FBLN7: variants seen among roughly 807,000 people sequenced by gnomAD.
FBLN7 encodes the protein fibulin-7.
In FBLN7, 31 loss-of-function variants were observed where a neutral mutation model predicts 44.0. The ratio of observed to expected loss-of-function variants is 0.70; its 90% confidence interval spans 0.53 to 0.95. FBLN7 has a LOEUF of 0.95. FBLN7 is among the 40% of genes least tolerant of loss of function. FBLN7 has a pLI of 0.00. For synonymous variants in FBLN7, 262 were observed against 253.4 expected (o/e 1.03, Z -0.32); for missense variants, 573 against 618.5 (o/e 0.93, Z 0.78).
chr2:112,172,190 TA>T (rs1170454732), intron 3 of FBLN7, among the ~76,000 whole-genome samples: 1 of 152,192 alleles, frequency 6.6e-6, no homozygotes, highest in Non-Finnish European at 1.5e-5. Context: ...CTAATTAGAG[TA>T]AAAATTCCCC....
the FBLN7 span, among the ~76,000 whole-genome samples, chr2:112,205,187 CTATAG>C: frequency 6.6e-6 from 1 of 151,666 alleles, no homozygotes; most frequent in Non-Finnish European, 1.5e-5. Flanking sequence ...ACTCAAATGG[CTATAG>C]TAAAATAAAT....
chr2:112,159,590 G>A (rs1335867806), intron 1 of FBLN7, 86 bp from the exon 2 acceptor site: 1 of 1,412,312 alleles, frequency 7.1e-7, no homozygotes, highest in African/African-American at 1.5e-5. Context: ...TGGACCCCGT[G>A]GCTTCGGCGA....
Position 112,187,760 on chromosome 2 carries a change from TA to T in FBLN7, c.*258del. 1.9e-6 allele frequency: 1 copy of T among 519,366 alleles called. No individual in the cohort carries two copies. Among genetic ancestry groups the T allele is most frequent in the South Asian group, 3.5e-5 (1 of 28,472 alleles). The allele number at this position is 519,366 out of a possible 1,614,324, so 32.2% of individuals were successfully genotyped here. ...CCCTTAGATTATGCACTAACTTTCT[TA>T]AAACTTTTTCATCCAGGGGATGGGT... is the stretch of plus-strand genomic sequence containing the variant. On this transcript the variant is annotated 3_prime_UTR_variant, in exon 8 of 8. Coordinates refer to ENST00000331203, the MANE Select transcript of FBLN7 (RefSeq NM_153214.3). This position sits in a 1 kb window ranked among gnomAD's most constrained non-coding sequence, Gnocchi z 5.1.
the FBLN7 span, among the ~76,000 whole-genome samples, chr2:112,205,613 A>G: frequency 4.6e-5 from 7 of 152,268 alleles, no homozygotes; most frequent in East Asian, 1.2e-3. Context: ...AAATACACCA[A>G]TTAAATCAGT....
At chr2:112,169,272 C>T (rs1012272627) in intron 3 of FBLN7, among the ~76,000 whole-genome samples, 1 of 152,012 alleles carries the variant, frequency 6.6e-6, no homozygotes, top group African/African-American at 2.4e-5. Flanking sequence ...GACTCCGTCT[C>T]GGGAGAAAAA....
rs543211367 is a variant in FBLN7, at chr2:112,140,863, A to G, written c.75+2133A>G. Among the ~76,000 whole-genome samples the G allele has an allele frequency of 1.2e-4, 19 of 152,244 alleles. 1 individual carries two copies. The South Asian group carries it at 3.5e-3, about 28-fold the overall frequency. On this transcript the variant is annotated intron_variant, in intron 1 of 7. Coordinates refer to ENST00000331203, the MANE Select transcript of FBLN7 (RefSeq NM_153214.3). ...TGTGCGACTACATTTTCTTAAACAC[A>G]TATACAGGCGGCTTGCTGTTTAATT...
At chr2:112,154,345 C>T (rs1427369317) in intron 1 of FBLN7, among the ~76,000 whole-genome samples, 2 of 152,158 alleles carry the variant, frequency 1.3e-5, no homozygotes, top group Non-Finnish European at 2.9e-5. Flanking sequence ...AGATTTAAAA[C>T]GGGGCGCCTC....
the FBLN7 span, among the ~76,000 whole-genome samples, chr2:112,210,655 C>CAAAAAAAAAAAAAAAAAAAAAAAAA: frequency 2.9e-5 from 2 of 69,730 alleles, no homozygotes. Context: ...GACTCTGTCT[C>CAAAAAAAAAAAAAAAAAAAAAAAAA]AAAAAAAAAA....
intron 3 of FBLN7, among the ~76,000 whole-genome samples, chr2:112,167,875 G>GTTATATTAT (rs1553476221): frequency 6.7e-6 from 1 of 148,612 alleles, no homozygotes; most frequent in African/African-American, 2.5e-5. Context: ...GACACGTTAT[G>GTTATATTAT]TTATGTTATG....
At chr2:112,147,498 C>T (rs996498729) in intron 1 of FBLN7, among the ~76,000 whole-genome samples, 10 of 152,112 alleles carry the variant, frequency 6.6e-5, no homozygotes, top group African/African-American at 2.4e-4. Flanking sequence ...CTCAGTCTGC[C>T]GTCTACACAA....
At chr2:112,164,934 A>G in intron 2 of FBLN7, 67 bp from the exon 3 acceptor site, 5 of 1,551,066 alleles carry the variant, frequency 3.2e-6, no homozygotes, top group Non-Finnish European at 4.4e-6. Context: ...AAGTCCTGTA[A>G]TTCAGTAATG....
chr2:112,215,382 G>A, the FBLN7 span: 5 of 152,194 alleles, frequency 3.3e-5, no homozygotes, highest in African/African-American at 4.8e-5. Context: ...GCTTCTAAGG[G>A]CCTAGGATTT....
Position 112,153,900 on chromosome 2 carries a change from G to A in FBLN7, c.76-5776G>A, listed in dbSNP as rs556215614. ...TTCCCGGAGAAGGGCAGGGGTGGATGGAGCGTTCCATGGGCCTTCTTGCTT... is the reference window on the plus strand; with the variant it reads ...TTCCCGGAGAAGGGCAGGGGTGGATAGAGCGTTCCATGGGCCTTCTTGCTT... On this transcript the variant is annotated intron_variant, in intron 1 of 7. Transcript: ENST00000331203. Among the ~76,000 whole-genome samples the A allele has an allele frequency of 3.2e-4, 49 of 152,310 alleles. No homozygotes were observed. The South Asian group carries it at 9.7e-3, about 30-fold the overall frequency.
chr2:112,244,513 T>C, the FBLN7 span, among the ~76,000 whole-genome samples: 1 of 152,210 alleles, frequency 6.6e-6, no homozygotes, highest in African/African-American at 2.4e-5. Context: ...AAGAAAGTTA[T>C]AGGCATACCT....
chr2:112,196,030 C>T, the FBLN7 span, among the ~76,000 whole-genome samples: 3 of 152,072 alleles, frequency 2.0e-5, no homozygotes, highest in African/African-American at 7.2e-5. Flanking sequence ...GATGCTGGGA[C>T]CCCCAGAGTT....
At chr2:112,200,589 C>G in the FBLN7 span, among the ~76,000 whole-genome samples, 130 of 152,304 alleles carry the variant, frequency 8.5e-4, no homozygotes, top group African/African-American at 2.9e-3. Flanking sequence ...GTCTGGAGTG[C>G]AGTCGCACAA....
chr2:112,191,642 C>A (rs188207595), downstream of FBLN7, among the ~76,000 whole-genome samples: 2 of 152,226 alleles, frequency 1.3e-5, no homozygotes, highest in East Asian at 1.9e-4. Context: ...CAGCTAAAAT[C>A]ATTTTTTTTC....
At chr2:112,168,320 C>A (rs1682275638) in intron 3 of FBLN7, among the ~76,000 whole-genome samples, 1 of 152,210 alleles carries the variant, frequency 6.6e-6, no homozygotes, top group Non-Finnish European at 1.5e-5. Flanking sequence ...AGGACTAACT[C>A]AGGGAACAAG....
the FBLN7 span, among the ~76,000 whole-genome samples, chr2:112,198,075 T>C: frequency 6.6e-6 from 1 of 152,116 alleles, no homozygotes; most frequent in Non-Finnish European, 1.5e-5. Context: ...AGCCATTCTC[T>C]CCTCAGAATC....
Sources: gnomAD v4.1 joint callset for allele counts (sites outside exome capture counted in the v4.1 genomes callset) on GRCh38, gnomAD v4.1.1 for gene constraint, Gnocchi (gnomAD v3.1) non-coding constraint, MANE v1.5 for transcripts, NCBI Gene and HGNC (gene_info 2026-07-23, HGNC 2026-07-21) for gene names.